The following CTNNA3 variants were observed in gnomAD, a reference collection of about 807,000 sequenced individuals.
CTNNA3 encodes the protein catenin alpha-3.
CTNNA3 carries 76 observed loss-of-function variants against 95.7 expected under a neutral mutation model. The observed-to-expected ratio is 0.79, with a 90% CI of 0.66 to 0.96. The LOEUF is 0.96. Among genes scored for constraint, CTNNA3 ranks in the 40% least tolerant of loss-of-function variants. CTNNA3 has a pLI of 0.00. For synonymous variants in CTNNA3, 431 were observed against 374.4 expected, an observed-to-expected ratio of 1.15 and a Z score of -1.74; for missense variants, 1,191 against 1,089.8, an observed-to-expected ratio of 1.09 and a Z score of -1.31.
At chr10:66,299,340 A>C (rs1003538172) in intron 12 of CTNNA3, among the ~76,000 whole-genome samples, 2 of 152,200 alleles carry the variant, frequency 1.3e-5, no homozygotes, top group Non-Finnish European at 2.9e-5. Flanking sequence ...CAAACCTAAA[A>C]ATGCTGGATT....
chr10:67,345,500 G>T (rs572853268), intron 5 of CTNNA3, among the ~76,000 whole-genome samples: 3 of 152,022 alleles, frequency 2.0e-5, no homozygotes, highest in Non-Finnish European at 4.4e-5. Context: ...ATATATCTGG[G>T]CGCTTCAGTG....
intron 10 of CTNNA3, among the ~76,000 whole-genome samples, chr10:66,531,798 T>C (rs1428738299): frequency 6.6e-6 from 1 of 152,062 alleles, no homozygotes; most frequent in East Asian, 1.9e-4. Context: ...AACTATCTGA[T>C]ACCAATAACA....
In CTNNA3 at chr10:66,766,067, T is replaced by C. The variant is rs7083123; in HGVS notation, c.1281+197A>G. ...CTTTGTGAAGCTCTAATAAAATATG[T>C]GTTTAAAAAATAAGACAAGCCAATG... On this transcript the variant is annotated intron_variant, in intron 9 of 17. Transcript: ENST00000433211. The C allele has an allele frequency of 0.84, 373,052 of 443,664 alleles. 157,887 individuals carry two copies. The highest frequency in any genetic ancestry group is 1 in the East Asian group (32,291 of 32,328). 27.5% of individuals were successfully genotyped at this position (443,664 alleles called of 1,614,324 possible).
intron 7 of CTNNA3, among the ~76,000 whole-genome samples, chr10:67,121,639 G>A (rs751855447): frequency 4.0e-4 from 61 of 151,950 alleles, no homozygotes; most frequent in Non-Finnish European, 6.3e-4. Context: ...CACAGTACAC[G>A]TAAGTTCCAA....
chr10:66,500,083 G>C lies in CTNNA3; in HGVS notation c.1531+20534C>G, dbSNP rs561213439. Among the ~76,000 whole-genome samples, 222 of 152,038 alleles carry C rather than the reference G, an allele frequency of 1.5e-3. 1 individual carries two copies. The highest frequency in any genetic ancestry group is 5.1e-3 in the African/African-American group (212 of 41,480). On this transcript the variant is annotated intron_variant, in intron 11 of 17. Transcript: ENST00000433211. ...CCCAAAGTGCTAGGATTACAGGCGT[G>C]AGCCACTGCACCCGGCCAATAGTTG...
chr10:66,677,738 AC>A (rs976228477), intron 9 of CTNNA3, among the ~76,000 whole-genome samples: 1 of 152,042 alleles, frequency 6.6e-6, no homozygotes, highest in African/African-American at 2.4e-5. Context: ...GCCATGTGGA[AC>A]CTCTTTCCTT....
At chr10:66,613,925 T>C (rs1355530532) in intron 10 of CTNNA3, among the ~76,000 whole-genome samples, 11 of 152,064 alleles carry the variant, frequency 7.2e-5, no homozygotes, top group Admixed American at 7.2e-4. Flanking sequence ...TGAAAGAGAA[T>C]ATGTTTGCTT....
chr10:67,487,675 G>A (rs1007226830), intron 5 of CTNNA3, among the ~76,000 whole-genome samples: 3 of 152,186 alleles, frequency 2.0e-5, no homozygotes, highest in African/African-American at 4.8e-5. Context: ...TTGGGAACAC[G>A]GCTATAGGCA....
At chr10:66,011,665 A>G (rs2079007854) in intron 15 of CTNNA3, among the ~76,000 whole-genome samples, 1 of 152,128 alleles carries the variant, frequency 6.6e-6, no homozygotes, top group Non-Finnish European at 1.5e-5. Context: ...AGTAGGGGTC[A>G]ATCAAGCCTG....
At chr10:67,391,841 T>C (rs1365658814) in intron 5 of CTNNA3, among the ~76,000 whole-genome samples, 1 of 151,398 alleles carries the variant, frequency 6.6e-6, no homozygotes, top group Non-Finnish European at 1.5e-5. Flanking sequence ...CTGGGAAAAC[T>C]GGCTACCCAT....
intron 12 of CTNNA3, among the ~76,000 whole-genome samples, chr10:66,360,075 C>G (rs1171510458): frequency 6.6e-6 from 1 of 152,048 alleles, no homozygotes; most frequent in Non-Finnish European, 1.5e-5. Context: ...GATCCACCCG[C>G]CTTGGCCTCC....
chr10:67,473,550 T>C (rs1384408509), intron 5 of CTNNA3, among the ~76,000 whole-genome samples: 4 of 152,210 alleles, frequency 2.6e-5, no homozygotes, highest in East Asian at 1.9e-4. Context: ...TCACTTTCCA[T>C]CCAAGACTAG....
At chr10:66,420,979 A>G (rs2132631211) in intron 11 of CTNNA3, among the ~76,000 whole-genome samples, 1 of 152,260 alleles carries the variant, frequency 6.6e-6, no homozygotes, top group African/African-American at 2.4e-5. Flanking sequence ...TTGTTGTAGC[A>G]CTATTGATAA....
intron 5 of CTNNA3, among the ~76,000 whole-genome samples, chr10:67,427,849 G>C (rs997907377): frequency 1.4e-4 from 21 of 152,020 alleles, no homozygotes; most frequent in Non-Finnish European, 1.2e-4. Flanking sequence ...GGGTGGACTT[G>C]CAGAAAATAA....
At chr10:66,099,743 A>G (rs542401235) in intron 14 of CTNNA3, among the ~76,000 whole-genome samples, 3 of 152,320 alleles carry the variant, frequency 2.0e-5, no homozygotes, top group African/African-American at 7.2e-5. Flanking sequence ...CCCTTGTCAG[A>G]CAGCTGTGAC....
At chr10:66,854,720 G>A (rs1189948929) in intron 7 of CTNNA3, among the ~76,000 whole-genome samples, 2 of 149,898 alleles carry the variant, frequency 1.3e-5, no homozygotes, top group Non-Finnish European at 3.0e-5. Context: ...TGGTAGATGT[G>A]TGTGGGTAAA....
At position 67,046,419 on chromosome 10, in the gene CTNNA3, A is replaced by G. The variant is rs1266272075; in HGVS notation, c.1047+133898T>C. 2.0e-5 allele frequency among the ~76,000 whole-genome samples: 3 copies of G among 152,176 alleles called. No homozygotes were observed. The East Asian group carries it at 5.8e-4, about 29-fold the overall frequency. ...AGAGTAACTGAAACAGGGATTCTCAACACATAGAACTTCTAATCCAGGCTG... is the reference window on the plus strand; with the variant it reads ...AGAGTAACTGAAACAGGGATTCTCAGCACATAGAACTTCTAATCCAGGCTG... On this transcript the variant is annotated intron_variant, in intron 7 of 17. Transcript: ENST00000433211.
At chr10:66,846,134 A>T (rs1476416507) in intron 7 of CTNNA3, among the ~76,000 whole-genome samples, 4 of 151,034 alleles carry the variant, frequency 2.6e-5, no homozygotes, top group Non-Finnish European at 5.9e-5. Flanking sequence ...TCTGTCTCAA[A>T]AAAAAGGGAA....
chr10:66,531,353 T>C (rs1196185196), intron 10 of CTNNA3, among the ~76,000 whole-genome samples: 1 of 151,028 alleles, frequency 6.6e-6, no homozygotes, highest in Non-Finnish European at 1.5e-5. Context: ...GTTACAAAGG[T>C]TGTTGGTAGA....
Sources: allele counts gnomAD v4.1 joint callset (sites outside exome capture counted in the v4.1 genomes callset), GRCh38; gene constraint gnomAD v4.1.1; transcripts MANE v1.5; gene names NCBI Gene and HGNC (gene_info 2026-07-23, HGNC 2026-07-21).